PRX: variants seen among roughly 807,000 people sequenced by gnomAD.
The protein encoded by PRX is periaxin.
PRX carries 24 observed loss-of-function variants against 29.6 expected under a neutral mutation model. The ratio of observed to expected loss-of-function variants is 0.81; its 90% CI spans 0.59 to 1.14. The LOEUF is 1.14. Among genes scored for constraint, PRX ranks in the 50% most tolerant of loss-of-function variants. The pLI, the probability that PRX is intolerant of heterozygous loss-of-function variation, is 0.00. For missense variants in PRX, 1,838 were observed against 1,926.4 expected (o/e 0.95, Z 0.86); for synonymous variants, 772 against 831.7 (o/e 0.93, Z 1.24).
At position 40,395,083 on chromosome 19, in the gene PRX, G is replaced by A. The variant is rs1321760237; in HGVS notation, c.3269C>T (p.Thr1090Ile). 14 of 1,613,352 alleles carry A rather than the reference G, an allele frequency of 8.7e-6. No homozygotes were observed. In the East Asian group the frequency reaches 3.1e-4, roughly 36 times the overall value. Reference protein sequence around the residue: ...RASPGEKAESTAVQLKIPEVE... With the variant: ...RASPGEKAESIAVQLKIPEVE... ...CTCGGGGATCTTAAGCTGCACAGCG[G>A]TGGACTCAGCCTTTTCCCCCGGGCT... The change falls in exon 7 of 7, where the codon ACC becomes ATC. Residue 1090 changes from threonine (T) to isoleucine (I), a missense_variant. Around this residue, in one of 3 missense-constraint regions of PRX, gnomAD observed 1,143 missense variants for 1,193.0 expected, o/e 0.96. Transcript: ENST00000324001.
rs2079454771 is a variant in PRX at position 40,397,692 on chromosome 19, C to T, written c.660G>A (p.Glu220=). 6.4e-7 allele frequency: 1 copy of T among 1,561,692 alleles called. No homozygotes were observed. Among genetic ancestry groups the T allele is most frequent in the Non-Finnish European group, 8.6e-7 (1 of 1,158,752 alleles). Residue 220 remains glutamate (E), a synonymous_variant, in exon 7 of 7, where the codon GAG becomes GAA. Coordinates refer to ENST00000324001, the MANE Select transcript of PRX (RefSeq NM_181882.3). ...AAPPPRKAKV[E]AEVAAGARFT... ...AACGAGCTCCTGCAGCCACCTCAGC[C>T]TCCACCTTGGCTTTCCTGGGGGGAG...
At chr19:40,400,395 C>G (rs2079485874) in intron 5 of PRX, among the ~76,000 whole-genome samples, 1 of 146,716 alleles carries the variant, frequency 6.8e-6, no homozygotes, top group African/African-American at 2.5e-5. Context: ...GAGTTCGAGA[C>G]CAGCCTGACC....
At position 40,395,521 on chromosome 19, in the gene PRX, G is replaced by C. The variant is rs199734816; in HGVS notation, c.2831C>G (p.Ala944Gly). Residue 944 changes from alanine (A) to glycine (G), a missense_variant, in exon 7 of 7, where the codon GCT (alanine) becomes GGT (glycine). By Grantham distance (60) the Ala-to-Gly change is moderately conservative. This residue lies in a region of PRX where 1,143 missense variants were observed against 1,193.0 expected (regional missense o/e 0.96). Coordinates refer to ENST00000324001, the MANE Select transcript of PRX (RefSeq NM_181882.3). ...CCCAGCCCCCTCAGCCTCTGCCTTA[G>C]CCACCTTTGGCCCCGAGAGTCCAAA... ...PKFGLSGPKV[A>G]KAEAEGAGRA... 3 of 1,614,200 alleles carry C rather than the reference G, an allele frequency of 1.9e-6. No individual in the cohort carries two copies. The highest frequency in any genetic ancestry group is 2.5e-6 in the Non-Finnish European group (3 of 1,180,036).
Position 40,395,123 on chromosome 19 carries a change from G to C in PRX, c.3229C>G (p.Gln1077Glu). ...TCCCCCGGGCTGGCACGATCACCTT[G>C]AACTTCTGCTTCCTTCCCTCGAGCC... ...GLARGKEAEV[Q>E]GDRASPGEKA... Residue 1077 changes from glutamine to glutamate, a missense_variant, in exon 7 of 7, where the codon CAA becomes GAA. This residue lies in a region of PRX where 1,143 missense variants were observed against 1,193.0 expected (regional missense o/e 0.96). Coordinates refer to ENST00000324001, the MANE Select transcript of PRX (RefSeq NM_181882.3). The C allele has an allele frequency of 2.5e-6, 4 of 1,614,014 alleles. No individual in the cohort carries two copies. The highest frequency in any genetic ancestry group is 3.4e-6 in the Non-Finnish European group (4 of 1,180,014).
In PRX at chr19:40,394,099, C is replaced by T. The variant is rs375802521; in HGVS notation, c.4253G>A (p.Ser1418Asn). The part of the protein sequence containing the change: ...PKFRFPRVSL[S>N]PKARSGSGDQ... ...CCCACTCCCACTCCGGGCCTTGGGG[C>T]TTAGGGACACCCTGGGGAAGCGGAA... Residue 1418 changes from serine (S) to asparagine (N), a missense_variant, in exon 7 of 7, where the codon AGC becomes AAC. This residue lies in a region of PRX where 1,143 missense variants were observed against 1,193.0 expected (regional missense o/e 0.96). Transcript: ENST00000324001. This position sits in a 1 kb window ranked among gnomAD's most constrained non-coding sequence, Gnocchi z 5.8. The T allele has an allele frequency of 8.1e-6, 13 of 1,609,764 alleles. No individual in the cohort carries two copies. Among genetic ancestry groups the T allele is most frequent in the Non-Finnish European group, 1.0e-5 (12 of 1,176,928 alleles).
Position 40,395,230 on chromosome 19 carries a change from C to G in PRX, c.3122G>C (p.Gly1041Ala). The change falls in exon 7 of 7, where the codon GGG becomes GCG. Residue 1041 changes from glycine (G) to alanine (A), a missense_variant. Physicochemically the swap from Gly to Ala is moderately conservative, Grantham distance 60. Coordinates refer to ENST00000324001, the MANE Select transcript of PRX (RefSeq NM_181882.3). Reference protein sequence around the residue: ...RDTEAAELVPGVAELEGKGWG... With the variant: ...RDTEAAELVPAVAELEGKGWG... Reference sequence around the variant, plus strand: ...GCCCTTGCCCTCCAACTCAGCCACCCCTGGCACTAGTTCTGCTGCCTCAGT... The same window carrying G: ...GCCCTTGCCCTCCAACTCAGCCACCGCTGGCACTAGTTCTGCTGCCTCAGT... The G allele has an allele frequency of 6.2e-7, 1 of 1,614,102 alleles. No homozygotes were observed. The highest frequency in any genetic ancestry group is 8.5e-7 in the Non-Finnish European group (1 of 1,180,008).
rs765180943 is a variant in PRX at position 40,407,940 on chromosome 19, C to T, written c.-8G>A. 1 of 1,613,782 alleles carries T rather than the reference C, an allele frequency of 6.2e-7. No individual in the cohort carries two copies. Among genetic ancestry groups the T allele is most frequent in the Non-Finnish European group, 8.5e-7 (1 of 1,180,044 alleles). On this transcript the variant is annotated 5_prime_UTR_variant, in exon 4 of 7. Coordinates refer to ENST00000324001, the MANE Select transcript of PRX (RefSeq NM_181882.3). ...CCGGCTCCTGGCCTCCATGGCGTTG[C>T]TGGGAGGCACCTGCACCCCAGGCTC...
Position 40,403,694 on chromosome 19 carries a change from G to T in PRX, c.184+12C>A. ...GCAGTTCGACCCCGCCCCACACCCC[G>T]GGCCCGCCCACCTTCCTGCAGGCTG... On this transcript the variant is annotated intron_variant, in intron 5 of 6. Coordinates refer to ENST00000324001, the MANE Select transcript of PRX (RefSeq NM_181882.3). 6.9e-7 allele frequency: 1 copy of T among 1,456,358 alleles called. No homozygotes were observed. The allele number at this position is 1,456,358 out of a possible 1,614,324, so 90.2% of individuals were successfully genotyped here.
intron 5 of PRX, among the ~76,000 whole-genome samples, chr19:40,401,769 CTTTT>C (rs371966168): frequency 7.2e-6 from 1 of 138,482 alleles, no homozygotes; most frequent in Non-Finnish European, 1.6e-5. Context: ...CAGCCCACCC[CTTTT>C]TTTTTTTTTT....
upstream of PRX, among the ~76,000 whole-genome samples, chr19:40,413,586 C>G (rs1366461068): frequency 6.6e-6 from 1 of 152,184 alleles, no homozygotes; most frequent in Non-Finnish European, 1.5e-5. Context: ...GCCGAGATCT[C>G]TGCCATGAGC....
intron 1 of PRX, among the ~76,000 whole-genome samples, chr19:40,408,891 C>T (rs1429144671): frequency 6.6e-6 from 1 of 151,848 alleles, no homozygotes; most frequent in East Asian, 1.9e-4. Context: ...AGTGCAATGG[C>T]GCGATCTTGG....
rs1599651349 is a variant in PRX at position 40,395,058 on chromosome 19, C to T, written c.3294G>A (p.Glu1098=). Residue 1098 remains glutamate (E), a synonymous_variant, in exon 7 of 7, where the codon GAG becomes GAA. Transcript: ENST00000324001. ...GGGCGCCCAGCGTGACCAGCTCCAC[C>T]TCGGGGATCTTAAGCTGCACAGCGG... is the stretch of plus-strand genomic sequence containing the variant. ...ESTAVQLKIP[E]VELVTLGAQE... is the part of the protein sequence containing the mutation. 1 of 1,612,684 alleles carries T rather than the reference C, an allele frequency of 6.2e-7. No individual in the cohort carries two copies.
chr19:40,402,897 C>T (rs1028651270), intron 5 of PRX, among the ~76,000 whole-genome samples: 29 of 152,220 alleles, frequency 1.9e-4, no homozygotes, highest in African/African-American at 7.0e-4. Context: ...GGGTGGGGCA[C>T]GGTGGCTCAC....
At position 40,395,878 on chromosome 19, in the gene PRX, G is replaced by T; in HGVS notation, c.2474C>A (p.Ala825Asp). 1 of 1,614,160 alleles carries T rather than the reference G, an allele frequency of 6.2e-7. No individual in the cohort carries two copies. Among genetic ancestry groups the T allele is most frequent in the Non-Finnish European group, 8.5e-7 (1 of 1,180,024 alleles). Residue 825 changes from alanine to aspartate, a missense_variant, in exon 7 of 7, where the codon GCT (alanine) becomes GAT (aspartate). Coordinates refer to ENST00000324001, the MANE Select transcript of PRX (RefSeq NM_181882.3). ...PSRGKPGEAGAEVSGKLVTLP... is the reference protein window; with the variant it reads ...PSRGKPGEAGDEVSGKLVTLP... ...TGTTACCAGCTTCCCTGAGACCTCAGCACCCGCCTCGCCTGGCTTGCCACG... is the reference window on the plus strand; with the variant it reads ...TGTTACCAGCTTCCCTGAGACCTCATCACCCGCCTCGCCTGGCTTGCCACG...
At chr19:40,405,169 C>T (rs534161163) in intron 4 of PRX, among the ~76,000 whole-genome samples, 1 of 152,146 alleles carries the variant, frequency 6.6e-6, no homozygotes, top group Admixed American at 6.6e-5. Flanking sequence ...ATGGCATTCC[C>T]GGTATTTACT....
Position 40,397,589 on chromosome 19 carries a change from T to C in PRX, c.763A>G (p.Lys255Glu). 1.9e-6 allele frequency: 3 copies of C among 1,542,408 alleles called. No individual in the cohort carries two copies. The highest frequency in any genetic ancestry group is 1.9e-4 in the Middle Eastern group (1 of 5,186). The change falls in exon 7 of 7, where the codon AAG (lysine) becomes GAG (glutamate). Residue 255 changes from lysine to glutamate, a missense_variant. This residue lies in a region of PRX where 666 missense variants were observed against 665.0 expected (regional missense o/e 1.00). Coordinates refer to ENST00000324001, the MANE Select transcript of PRX (RefSeq NM_181882.3). Reference protein sequence around the residue: ...EVGVPQVSAPKAAPSAEAAGG... With the variant: ...EVGVPQVSAPEAAPSAEAAGG... ...GCTGCCTCTGCTGAGGGGGCAGCCT[T>C]GGGGGCTGAGACCTGGGGGACACCC...
chr19:40,409,088 G>A (rs976834501), intron 1 of PRX, among the ~76,000 whole-genome samples: 1 of 152,196 alleles, frequency 6.6e-6, no homozygotes, highest in South Asian at 2.1e-4. Context: ...CTGACTGCAA[G>A]TGATCAGCCC....
Position 40,394,646 on chromosome 19 carries a change from CCTCGCCCGCCTGTGCCTCTCGG to C in PRX, c.3684_3705del (p.Ser1228ArgfsTer9). On this transcript the variant is annotated frameshift_variant, in exon 7 of 7. Coordinates refer to ENST00000324001, the MANE Select transcript of PRX (RefSeq NM_181882.3). LOFTEE classifies it high-confidence loss of function. This position sits in a 1 kb window ranked among gnomAD's most constrained non-coding sequence, Gnocchi z 5.8. ...CTCAGCCCACCCTCGCCTGTGGCCG[CCTCGCCCGCCTGTGCCTCTCGG>C]CTTAGCCCCACGTCCAGCTCAAGCT... The C allele has an allele frequency of 6.2e-7, 1 of 1,607,360 alleles. No homozygotes were observed. The highest frequency in any genetic ancestry group is 8.5e-7 in the Non-Finnish European group (1 of 1,179,806).
chr19:40,397,586 C>A lies in PRX; in HGVS notation c.766G>T (p.Ala256Ser). 1.3e-6 allele frequency: 2 copies of A among 1,542,824 alleles called. No individual in the cohort carries two copies. Among genetic ancestry groups the A allele is most frequent in the Non-Finnish European group, 1.7e-6 (2 of 1,148,444 alleles). ...VGVPQVSAPK[A>S]APSAEAAGGF... ...CCAGCTGCCTCTGCTGAGGGGGCAG[C>A]CTTGGGGGCTGAGACCTGGGGGACA... The change falls in exon 7 of 7, where the codon GCT becomes TCT. Residue 256 changes from alanine to serine, a missense_variant. This residue lies in a region of PRX where 666 missense variants were observed against 665.0 expected (regional missense o/e 1.00). Coordinates refer to ENST00000324001, the MANE Select transcript of PRX (RefSeq NM_181882.3).
Sources: gnomAD v4.1 joint callset for allele counts (sites outside exome capture counted in the v4.1 genomes callset) on GRCh38, gnomAD v4.1.1 for gene constraint, gnomAD v4.1.1 regional missense constraint, Gnocchi (gnomAD v3.1) non-coding constraint, MANE v1.5 for transcripts, NCBI Gene and HGNC (gene_info 2026-07-23, HGNC 2026-07-21) for gene names.